Variants in PARD3B observed in about 807,000 individuals in gnomAD.
The protein encoded by PARD3B is par-3 family cell polarity regulator beta, also known as partitioning defective 3 homolog B.
In PARD3B, 103 loss-of-function variants were observed where a neutral mutation model predicts 130.2. The ratio of observed to expected loss-of-function variants is 0.79; its 90% CI spans 0.67 to 0.93. The LOEUF (loss-of-function observed/expected upper bound fraction) is 0.93. Ranked by LOEUF, PARD3B falls within the 40% of genes least tolerant of loss-of-function variation. The pLI is 0.00. For synonymous variants in PARD3B, 583 were observed against 553.2 expected, an observed-to-expected ratio of 1.05 and a Z score of -0.76; for missense variants, 1,609 against 1,499.2, an observed-to-expected ratio of 1.07 and a Z score of -1.21.
chr2:205,217,788 G>T lies in PARD3B; in HGVS notation c.2140+24468G>T, dbSNP rs189832115. Among the ~76,000 whole-genome samples, 572 of 145,734 alleles carry T rather than the reference G, an allele frequency of 3.9e-3. 1 individual carries two copies. Among genetic ancestry groups the T allele is most frequent in the African/African-American group, 0.013 (525 of 39,484 alleles). ...TAGATAAGTATATATGTATATATAT[G>T]TGTGCATGTATATATGTGTGTATAT... On this transcript the variant is annotated intron_variant, in intron 15 of 22. Transcript: ENST00000406610.
intron 15 of PARD3B, among the ~76,000 whole-genome samples, chr2:205,210,543 A>G (rs948999292): frequency 6.6e-6 from 1 of 152,138 alleles, no homozygotes; most frequent in Non-Finnish European, 1.5e-5. Context: ...TGAGCCTGCT[A>G]GTACATCAAC....
chr2:204,762,378 C>T (rs933838907), intron 2 of PARD3B, among the ~76,000 whole-genome samples: 7 of 151,988 alleles, frequency 4.6e-5, no homozygotes, highest in Non-Finnish European at 7.4e-5. Context: ...CCCGGCTTGG[C>T]CTTCCAAAGT....
chr2:204,667,625 G>A (rs2036084717), intron 1 of PARD3B, among the ~76,000 whole-genome samples: 1 of 151,998 alleles, frequency 6.6e-6, no homozygotes, highest in African/African-American at 2.4e-5. Flanking sequence ...ATCTTATAAT[G>A]GACTCTCTTC....
At chr2:205,593,511 A>T (rs145173249) in intron 22 of PARD3B, among the ~76,000 whole-genome samples, 1 of 152,340 alleles carries the variant, frequency 6.6e-6, no homozygotes, top group South Asian at 2.1e-4. Flanking sequence ...TAAGTAGAAA[A>T]TTCCCCAATG....
At chr2:205,245,567 A>G (rs1434233107) in intron 15 of PARD3B, among the ~76,000 whole-genome samples, 1 of 152,368 alleles carries the variant, frequency 6.6e-6, no homozygotes, top group African/African-American at 2.4e-5. Flanking sequence ...TTCATAAAAG[A>G]TCTAATAAAC....
chr2:205,395,270 C>T (rs1275965293), intron 18 of PARD3B, among the ~76,000 whole-genome samples: 6 of 152,344 alleles, frequency 3.9e-5, no homozygotes, highest in East Asian at 3.9e-4. Flanking sequence ...GTTCACACTA[C>T]TCCGCTGACC....
intron 3 of PARD3B, among the ~76,000 whole-genome samples, chr2:205,018,722 CAAAAAAAAAAA>C (rs5837948): frequency 5.3e-4 from 23 of 43,154 alleles, no homozygotes; most frequent in African/African-American, 1.2e-3. Flanking sequence ...GCAGTATAAG[CAAAAAAAAAAA>C]AAAAAAAAAA....
chr2:204,821,065 A>G (rs1376781765), intron 2 of PARD3B, among the ~76,000 whole-genome samples: 1 of 152,218 alleles, frequency 6.6e-6, no homozygotes, highest in Admixed American at 6.5e-5. Flanking sequence ...TTTGTCGTCC[A>G]GAAGTTCTAA....
At chr2:204,852,615 CAA>C (rs1304803568) in intron 2 of PARD3B, among the ~76,000 whole-genome samples, 1 of 150,424 alleles carries the variant, frequency 6.6e-6, no homozygotes, top group Non-Finnish European at 1.5e-5. Context: ...GTATATTTCT[CAA>C]GAGGCTGAGG....
At chr2:205,518,702 T>G (rs780855742) in intron 21 of PARD3B, among the ~76,000 whole-genome samples, 3 of 152,224 alleles carry the variant, frequency 2.0e-5, no homozygotes, top group Non-Finnish European at 4.4e-5. Context: ...AGTGTGTTTT[T>G]GTGTTAGCTG....
intron 22 of PARD3B, among the ~76,000 whole-genome samples, chr2:205,556,406 C>A (rs1404681182): frequency 6.6e-6 from 1 of 152,102 alleles, no homozygotes; most frequent in Non-Finnish European, 1.5e-5. Flanking sequence ...GAGCTCTGGT[C>A]AAGTGCTTTC....
At chr2:204,750,036 G>A (rs1398196932) in intron 2 of PARD3B, among the ~76,000 whole-genome samples, 2 of 152,108 alleles carry the variant, frequency 1.3e-5, no homozygotes, top group African/African-American at 2.4e-5. Flanking sequence ...CTTTGATATG[G>A]AACTGATTTT....
intron 3 of PARD3B, among the ~76,000 whole-genome samples, chr2:205,036,957 C>G (rs1697980311): frequency 6.8e-6 from 1 of 146,444 alleles, no homozygotes; most frequent in South Asian, 2.2e-4. Context: ...ATATAAAGAA[C>G]ATATATAGCG....
At chr2:205,485,210 C>T (rs907506011) in intron 20 of PARD3B, among the ~76,000 whole-genome samples, 11 of 152,122 alleles carry the variant, frequency 7.2e-5, no homozygotes, top group African/African-American at 2.4e-4. Flanking sequence ...TTTTTGCTGT[C>T]TGATTTGGCA....
chr2:204,931,681 A>G (rs1688045587), intron 2 of PARD3B, among the ~76,000 whole-genome samples: 1 of 151,894 alleles, frequency 6.6e-6, no homozygotes, highest in African/African-American at 2.4e-5. Flanking sequence ...TTAAAATACT[A>G]CAGATCTGAT....
At chr2:205,119,072 T>C in intron 7 of PARD3B, 26 bp downstream of exon 7, 1 of 1,585,990 alleles carries the variant, frequency 6.3e-7, no homozygotes, top group East Asian at 2.3e-5. Context: ...TTGTTTTATT[T>C]ACTTTCTTGA....
chr2:205,343,910 G>A (rs2043644229), intron 18 of PARD3B, among the ~76,000 whole-genome samples: 1 of 152,068 alleles, frequency 6.6e-6, no homozygotes, highest in Non-Finnish European at 1.5e-5. Flanking sequence ...AATATACTAT[G>A]TACATGGAAG....
chr2:204,905,886 G>A (rs2047026845), intron 2 of PARD3B, among the ~76,000 whole-genome samples: 1 of 152,104 alleles, frequency 6.6e-6, no homozygotes, highest in Non-Finnish European at 1.5e-5. Context: ...TCTAACACCT[G>A]AAAACATTCC....
chr2:204,559,807 G>T (rs945517612), intron 1 of PARD3B, among the ~76,000 whole-genome samples: 6 of 152,340 alleles, frequency 3.9e-5, no homozygotes, highest in African/African-American at 1.4e-4. Flanking sequence ...ATCAATGATA[G>T]ACTGGGTTAA....
Sources: allele counts gnomAD v4.1 joint callset (sites outside exome capture counted in the v4.1 genomes callset), GRCh38; gene constraint gnomAD v4.1.1; transcripts MANE v1.5; gene names NCBI Gene and HGNC (gene_info 2026-07-23, HGNC 2026-07-21).